The following SAP130 variants were observed in gnomAD, a reference collection of about 807,000 sequenced individuals.
SAP130 encodes the protein Sin3A associated protein 130, also known as histone deacetylase complex subunit SAP130.
SAP130 carries 16 observed loss-of-function variants against 103.2 expected under a neutral mutation model. The ratio of observed to expected loss-of-function variants is 0.16; its 90% CI spans 0.10 to 0.24. The LOEUF (loss-of-function observed/expected upper bound fraction) is 0.24, where lower values mean the gene tolerates loss of function less well. SAP130 is among the 10% of genes least tolerant of loss of function. The probability of loss-of-function intolerance (pLI) is 1.00; values close to 1 mark genes in which losing one functional copy is unlikely to be tolerated. For synonymous variants in SAP130, 477 were observed against 497.0 expected (o/e 0.96, Z 0.53); for missense variants, 990 against 1,359.7 (o/e 0.73, Z 4.28).
intron 11 of SAP130, among the ~76,000 whole-genome samples, chr2:127,994,904 A>C (rs531401559): frequency 6.6e-6 from 1 of 152,362 alleles, no homozygotes; most frequent in South Asian, 2.1e-4. Context: ...TTATTTAGAG[A>C]ATCTATAAAC....
intron 13 of SAP130, among the ~76,000 whole-genome samples, chr2:127,988,229 C>A (rs1026160561): frequency 6.6e-6 from 1 of 152,010 alleles, no homozygotes; most frequent in Admixed American, 6.6e-5. Flanking sequence ...TCGAGACCAG[C>A]CTGGGCAACA....
At chr2:128,006,874 TGAA>T (rs1470197848) in intron 7 of SAP130, among the ~76,000 whole-genome samples, 1 of 152,256 alleles carries the variant, frequency 6.6e-6, no homozygotes, top group African/African-American at 2.4e-5. Context: ...ATTGGTCTGT[TGAA>T]GAAGTTCTAT....
At chr2:127,992,158 G>T (rs1292933021) in intron 12 of SAP130, among the ~76,000 whole-genome samples, 1 of 152,096 alleles carries the variant, frequency 6.6e-6, no homozygotes, top group Non-Finnish European at 1.5e-5. Context: ...TTTTTGTAGA[G>T]ATGGGGTCTC....
Position 127,941,959 on chromosome 2 carries a change from C to G in SAP130, c.*47G>C. ...AACCAAAACCCTCCCCCCACCCCCACCATCATTCTTCATAAATTTGCTTCC... is the reference window on the plus strand; with the variant it reads ...AACCAAAACCCTCCCCCCACCCCCAGCATCATTCTTCATAAATTTGCTTCC... On this transcript the variant is annotated 3_prime_UTR_variant, in exon 21 of 21. Coordinates refer to ENST00000643581, the MANE Select transcript of SAP130 (RefSeq NM_001330301.2). The G allele has an allele frequency of 1.4e-5, 5 of 369,948 alleles. No individual in the cohort carries two copies. Among genetic ancestry groups the G allele is most frequent in the Non-Finnish European group, 2.5e-5 (5 of 202,976 alleles). 22.9% of individuals were successfully genotyped at this position (369,948 alleles called of 1,614,324 possible).
chr2:127,960,745 C>T (rs1162682140), intron 15 of SAP130, among the ~76,000 whole-genome samples: 1 of 152,078 alleles, frequency 6.6e-6, no homozygotes. Flanking sequence ...CACTATATCT[C>T]AGCATTCTAC....
chr2:128,027,336 C>T (rs1685589799), intron 1 of SAP130: 2 of 1,154,872 alleles, frequency 1.7e-6, no homozygotes, highest in African/African-American at 1.6e-5. Flanking sequence ...GCCCATTGGC[C>T]CCACGCCCGA....
At position 128,028,059 on chromosome 2, in the gene SAP130, T is replaced by C. The variant is rs936122393; in HGVS notation, c.-126A>G. On this transcript the variant is annotated 5_prime_UTR_variant, in exon 1 of 21. Transcript: ENST00000643581. ...AGCCACCGCCGGGGAGCTAGCACTC[T>C]GCCCCCCACCCCTCACTCCAGCGCC... 3 of 811,546 alleles carry C rather than the reference T, an allele frequency of 3.7e-6. No individual in the cohort carries two copies. The highest frequency in any genetic ancestry group is 4.5e-6 in the Non-Finnish European group (3 of 670,712). 50.3% of individuals were successfully genotyped at this position (811,546 alleles called of 1,614,324 possible). A position where few individuals can be genotyped will look rare whatever the true frequency, so the allele number is the denominator to read the frequency against.
chr2:127,998,048 C>T (rs1487637254), intron 10 of SAP130, among the ~76,000 whole-genome samples: 2 of 150,114 alleles, frequency 1.3e-5, no homozygotes, highest in Non-Finnish European at 3.0e-5. Context: ...TGGGAGATTG[C>T]AGTGAGCTGA....
intron 15 of SAP130, among the ~76,000 whole-genome samples, chr2:127,958,562 A>G (rs758973494): frequency 1.3e-5 from 2 of 152,200 alleles, no homozygotes; most frequent in Non-Finnish European, 2.9e-5. Context: ...AACAAAATGT[A>G]GAAGACAACA....
chr2:127,954,583 A>T (rs148680513), intron 16 of SAP130, among the ~76,000 whole-genome samples: 1 of 152,206 alleles, frequency 6.6e-6, no homozygotes, highest in Non-Finnish European at 1.5e-5. Flanking sequence ...CAGCAACACA[A>T]ATCTTACTTG....
chr2:127,980,742 G>A lies in SAP130; in HGVS notation c.1959-2653C>T, dbSNP rs188775099. 7.5e-4 allele frequency among the ~76,000 whole-genome samples: 114 copies of A among 152,164 alleles called. 1 individual carries two copies. Among genetic ancestry groups the A allele is most frequent in the African/African-American group, 2.5e-3 (105 of 41,526 alleles). The stretch of plus-strand genomic sequence containing the variant: ...GTGGAATGCTTCAGCCCGGGAGTTC[G>A]AGACCAGCCGGGGCAACATGGTGAA... On this transcript the variant is annotated intron_variant, in intron 14 of 20. Coordinates refer to ENST00000643581, the MANE Select transcript of SAP130 (RefSeq NM_001330301.2).
At chr2:127,977,651 T>G (rs186786373) in intron 15 of SAP130, among the ~76,000 whole-genome samples, 4 of 152,346 alleles carry the variant, frequency 2.6e-5, no homozygotes. Flanking sequence ...GTTATAGGAA[T>G]GCGCAATGCC....
intron 15 of SAP130, among the ~76,000 whole-genome samples, chr2:127,957,925 G>T (rs543271286): frequency 2.6e-5 from 4 of 152,266 alleles, no homozygotes; most frequent in South Asian, 4.1e-4. Context: ...GATGGAAATT[G>T]AGTAGCAGAA....
chr2:128,026,328 C>T (rs768780942), intron 1 of SAP130, 30 bp from the exon 2 acceptor site: 1 of 1,472,088 alleles, frequency 6.8e-7, no homozygotes. Flanking sequence ...ATGGTTATTA[C>T]TAGATTCTGA....
intron 9 of SAP130, 21 bp from the exon 10 acceptor site, chr2:127,999,866 A>C: frequency 6.7e-7 from 1 of 1,503,582 alleles, no homozygotes; most frequent in Non-Finnish European, 8.9e-7. Context: ...GGAAAAAAGG[A>C]AATTCTTTAA....
At chr2:127,977,584 C>T (rs995288906) in intron 15 of SAP130, among the ~76,000 whole-genome samples, 2 of 152,138 alleles carry the variant, frequency 1.3e-5, no homozygotes, top group Non-Finnish European at 2.9e-5. Flanking sequence ...AAGGCACATA[C>T]AAAGTGTTTT....
At chr2:127,985,382 C>T (rs1682301622) in intron 14 of SAP130, among the ~76,000 whole-genome samples, 2 of 152,202 alleles carry the variant, frequency 1.3e-5, no homozygotes, top group South Asian at 4.1e-4. Flanking sequence ...CTAGTCCCAG[C>T]AATTTAAGTT....
At position 127,998,440 on chromosome 2, in the gene SAP130, T is replaced by C. The variant is rs188259839; in HGVS notation, c.1213+1301A>G. ...TATCACCTGGAGAGGGCAAGCTCAC[T>C]TGGAAAAAGTCACTTAGGTGATTTT... is the stretch of plus-strand genomic sequence containing the variant. On this transcript the variant is annotated intron_variant, in intron 10 of 20. Coordinates refer to ENST00000643581, the MANE Select transcript of SAP130 (RefSeq NM_001330301.2). Among the ~76,000 whole-genome samples the C allele has an allele frequency of 4.5e-3, 689 of 152,314 alleles. 6 individuals carry two copies. The highest frequency in any genetic ancestry group is 0.016 in the African/African-American group (648 of 41,570).
Position 127,941,755 on chromosome 2 carries a change from C to T in SAP130, c.*251G>A. 1 of 476,586 alleles carries T rather than the reference C, an allele frequency of 2.1e-6. No individual in the cohort carries two copies. The highest frequency in any genetic ancestry group is 3.7e-6 in the Non-Finnish European group (1 of 272,742). 29.5% of individuals were successfully genotyped at this position (476,586 alleles called of 1,614,324 possible). ...TGCTTCCAACTGGTGGACACTGATG[C>T]ATCCGGAGTCACTTATGACACAGAT... On this transcript the variant is annotated 3_prime_UTR_variant, in exon 21 of 21. Transcript: ENST00000643581.
Sources: gnomAD v4.1 joint callset for allele counts (sites outside exome capture counted in the v4.1 genomes callset) on GRCh38, gnomAD v4.1.1 for gene constraint, MANE v1.5 for transcripts, NCBI Gene and HGNC (gene_info 2026-07-23, HGNC 2026-07-21) for gene names.